The following SLC24A2 variants were observed in gnomAD, a reference collection of about 807,000 sequenced individuals.
SLC24A2 encodes the protein solute carrier family 24 member 2.
A neutral mutation model predicts 62.0 loss-of-function variants in SLC24A2; 36 were observed. The ratio of observed to expected loss-of-function variants is 0.58; its 90% CI spans 0.44 to 0.77. SLC24A2 has a LOEUF of 0.77. Ranked by LOEUF, SLC24A2 falls within the 30% of genes least tolerant of loss-of-function variation. SLC24A2 has a pLI of 0.00. For missense variants in SLC24A2, 846 were observed against 817.9 expected (o/e 1.03, Z -0.42); for synonymous variants, 358 against 294.0 (o/e 1.22, Z -2.23).
the SLC24A2 span, among the ~76,000 whole-genome samples, chr9:19,816,263 C>A: frequency 6.6e-6 from 1 of 151,970 alleles, no homozygotes; most frequent in East Asian, 1.9e-4. Flanking sequence ...ACTCCACTAT[C>A]CCCTAGGATC....
At chr9:20,261,191 A>G in the SLC24A2 span, among the ~76,000 whole-genome samples, 1 of 152,106 alleles carries the variant, frequency 6.6e-6, no homozygotes, top group Admixed American at 6.5e-5. Context: ...GCATTCTCAT[A>G]GCTTAGCAAC....
At chr9:20,202,014 C>T in the SLC24A2 span, among the ~76,000 whole-genome samples, 6 of 151,096 alleles carry the variant, frequency 4.0e-5, no homozygotes, top group African/African-American at 1.2e-4. Context: ...TGGGAAGTCG[C>T]CAGAATCTTT....
chr9:19,804,873 C>T, the SLC24A2 span, among the ~76,000 whole-genome samples: 1 of 152,180 alleles, frequency 6.6e-6, no homozygotes, highest in South Asian at 2.1e-4. Flanking sequence ...AATGCTTCTT[C>T]TGTATCAAAA....
the SLC24A2 span, among the ~76,000 whole-genome samples, chr9:20,043,358 A>G: frequency 9.9e-5 from 15 of 152,218 alleles, no homozygotes; most frequent in Admixed American, 9.8e-4. Flanking sequence ...CCATGTGTCA[A>G]GCAGTAATTT....
chr9:19,966,477 G>A, the SLC24A2 span, among the ~76,000 whole-genome samples: 19 of 152,254 alleles, frequency 1.2e-4, no homozygotes, highest in Admixed American at 1.0e-3. Flanking sequence ...CTAAGCTAAA[G>A]CTACCAAAAA....
the SLC24A2 span, among the ~76,000 whole-genome samples, chr9:20,086,647 G>T: frequency 6.6e-6 from 1 of 152,226 alleles, no homozygotes. Flanking sequence ...TCTTGTCTCA[G>T]CCTCATGTAT....
chr9:20,253,956 A>G, the SLC24A2 span, among the ~76,000 whole-genome samples: 1 of 152,168 alleles, frequency 6.6e-6, no homozygotes, highest in Admixed American at 6.5e-5. Context: ...AGGACCAATG[A>G]GGGAGAATGG....
intron 2 of SLC24A2, among the ~76,000 whole-genome samples, chr9:19,675,433 C>T (rs1482596780): frequency 6.6e-6 from 1 of 152,126 alleles, no homozygotes; most frequent in Non-Finnish European, 1.5e-5. Context: ...AGATTGTGTC[C>T]TTTGTCTTCA....
At chr9:20,117,062 A>G in the SLC24A2 span, among the ~76,000 whole-genome samples, 2 of 152,118 alleles carry the variant, frequency 1.3e-5, no homozygotes, top group Non-Finnish European at 2.9e-5. Context: ...TTCATCTGGC[A>G]GGATTAGGCT....
upstream of SLC24A2, among the ~76,000 whole-genome samples, chr9:19,794,032 C>T (rs1201295445): frequency 2.6e-5 from 4 of 152,140 alleles, no homozygotes; most frequent in African/African-American, 9.7e-5. Context: ...CTTTTCAGTG[C>T]AATGAGAACC....
the SLC24A2 span, among the ~76,000 whole-genome samples, chr9:20,188,897 C>G: frequency 6.6e-6 from 1 of 152,032 alleles, no homozygotes; most frequent in South Asian, 2.1e-4. Flanking sequence ...TTTTAAGCTA[C>G]CAAATTTGTA....
At chr9:19,551,041 C>T (rs1052023515) in intron 7 of SLC24A2, among the ~76,000 whole-genome samples, 1 of 152,064 alleles carries the variant, frequency 6.6e-6, no homozygotes, top group African/African-American at 2.4e-5. Flanking sequence ...CTACGGTCAC[C>T]CTAGTCTCCT....
At chr9:19,756,903 CTTTTTTTTT>C (rs780450451) in intron 2 of SLC24A2, among the ~76,000 whole-genome samples, 1 of 78,522 alleles carries the variant, frequency 1.3e-5, no homozygotes, top group Non-Finnish European at 2.2e-5. Flanking sequence ...TTTACTGAAG[CTTTTTTTTT>C]TTTTTTTTTT....
intron 8 of SLC24A2, among the ~76,000 whole-genome samples, chr9:19,534,542 G>A (rs1359465278): frequency 6.6e-6 from 1 of 150,688 alleles, no homozygotes; most frequent in African/African-American, 2.4e-5. Flanking sequence ...AGTGTGTGAT[G>A]ATCCCCTCCC....
the SLC24A2 span, among the ~76,000 whole-genome samples, chr9:20,017,151 T>C: frequency 1.3e-5 from 2 of 152,068 alleles, no homozygotes; most frequent in African/African-American, 4.8e-5. Context: ...GCCTCCTGAG[T>C]AGCTGGGATT....
the SLC24A2 span, among the ~76,000 whole-genome samples, chr9:19,956,079 TCTA>T: frequency 5.3e-5 from 8 of 152,248 alleles, no homozygotes; most frequent in African/African-American, 1.9e-4. Flanking sequence ...ATCCCTTAGG[TCTA>T]CTAACAAGGC....
chr9:19,903,495 A>G, the SLC24A2 span, among the ~76,000 whole-genome samples: 1 of 152,244 alleles, frequency 6.6e-6, no homozygotes, highest in Non-Finnish European at 1.5e-5. Context: ...GGGAAAACAC[A>G]AACATGCAGT....
chr9:19,733,376 T>C (rs1004763373), intron 2 of SLC24A2, among the ~76,000 whole-genome samples: 7 of 152,216 alleles, frequency 4.6e-5, no homozygotes, highest in African/African-American at 1.4e-4. Context: ...CAAGATGATC[T>C]TCTTTCCGTT....
chr9:19,636,319 C>CTTTTCTTTTCTTTTCTTTTCTTTTCT (rs1554690372), intron 2 of SLC24A2, among the ~76,000 whole-genome samples: 1 of 43,476 alleles, frequency 2.3e-5, no homozygotes, highest in Non-Finnish European at 4.5e-5. Context: ...CTTTTCTTTT[C>CTTTTCTTTTCTTTTCTTTTCTTTTCT]TTTCTTTCTT....
Sources: gnomAD v4.1 joint callset for allele counts (sites outside exome capture counted in the v4.1 genomes callset) on GRCh38, gnomAD v4.1.1 for gene constraint, MANE v1.5 for transcripts, NCBI Gene and HGNC (gene_info 2026-07-23, HGNC 2026-07-21) for gene names.